SUGCT: variants seen among roughly 807,000 people sequenced by gnomAD.
SUGCT encodes the protein succinyl-CoA:glutarate-CoA transferase.
A neutral mutation model predicts 55.0 loss-of-function variants in SUGCT; 41 were observed. The ratio of observed to expected loss-of-function variants is 0.74; its 90% confidence interval spans 0.58 to 0.97. The LOEUF is 0.97. SUGCT is among the 50% of genes least tolerant of loss of function. The probability of loss-of-function intolerance (pLI) is 0.00; values close to 1 mark genes in which losing one functional copy is unlikely to be tolerated. For synonymous variants in SUGCT, 187 were observed against 200.4 expected (o/e 0.93, Z 0.56); for missense variants, 568 against 547.8 (o/e 1.04, Z -0.37).
At position 40,183,677 on chromosome 7, in the gene SUGCT, T is replaced by C. The variant is rs148546015; in HGVS notation, c.226+1649T>C. On this transcript the variant is annotated intron_variant, in intron 3 of 13. Transcript: ENST00000335693. Reference sequence around the variant, plus strand: ...AAGAAACATTTCCCCATTTTATAATTTTAAAGGTTTTGAAGCGGGAAACGC... The same window carrying C: ...AAGAAACATTTCCCCATTTTATAATCTTAAAGGTTTTGAAGCGGGAAACGC... Among the ~76,000 whole-genome samples, 610 of 152,294 alleles carry C rather than the reference T, an allele frequency of 4.0e-3. 6 individuals are homozygous for C. Among genetic ancestry groups the C allele is most frequent in the African/African-American group, 0.014 (591 of 41,556 alleles).
intron 12 of SUGCT, among the ~76,000 whole-genome samples, chr7:40,620,182 G>T (rs187483571): frequency 1.3e-5 from 2 of 152,116 alleles, no homozygotes; most frequent in Admixed American, 1.3e-4. Context: ...CCCCTTGTTG[G>T]GGGTATTTAC....
chr7:40,217,800 T>C (rs1787759118), intron 6 of SUGCT, among the ~76,000 whole-genome samples: 1 of 152,206 alleles, frequency 6.6e-6, no homozygotes, highest in East Asian at 1.9e-4. Flanking sequence ...CAGAAACATT[T>C]GGCTACTTGC....
At chr7:40,388,554 T>G (rs1158814895) in intron 9 of SUGCT, among the ~76,000 whole-genome samples, 2 of 152,114 alleles carry the variant, frequency 1.3e-5, no homozygotes, top group African/African-American at 2.4e-5. Context: ...TAGCTGGGAT[T>G]ACAGGTGTGT....
At chr7:40,453,289 C>G (rs1053600048) in intron 10 of SUGCT, among the ~76,000 whole-genome samples, 2 of 152,130 alleles carry the variant, frequency 1.3e-5, no homozygotes, top group Non-Finnish European at 1.5e-5. Context: ...CTTTCCTTTT[C>G]CCCCTCCATT....
intron 9 of SUGCT, among the ~76,000 whole-genome samples, chr7:40,338,867 T>C (rs1453803142): frequency 1.3e-5 from 2 of 152,182 alleles, no homozygotes; most frequent in Non-Finnish European, 2.9e-5. Flanking sequence ...TTTTTCCCCA[T>C]CTTTGTGGTT....
chr7:41,025,265 T>C, the SUGCT span, among the ~76,000 whole-genome samples: 3 of 152,228 alleles, frequency 2.0e-5, no homozygotes, highest in South Asian at 2.1e-4. Context: ...TATGGCAATA[T>C]GCCAACATTT....
the SUGCT span, among the ~76,000 whole-genome samples, chr7:40,947,179 A>T: frequency 6.6e-6 from 1 of 152,096 alleles, no homozygotes. Context: ...CAATTAATTT[A>T]TCTTCAAGTT....
chr7:40,945,007 G>A, the SUGCT span, among the ~76,000 whole-genome samples: 1 of 152,090 alleles, frequency 6.6e-6, no homozygotes. Flanking sequence ...TTCCTTAGTG[G>A]TGTACATTTA....
chr7:40,630,124 G>A (rs952668018), intron 12 of SUGCT, among the ~76,000 whole-genome samples: 8 of 152,156 alleles, frequency 5.3e-5, no homozygotes, highest in Admixed American at 6.5e-5. Flanking sequence ...TACGCTTTGC[G>A]CCTCCCATCA....
chr7:40,293,745 G>T (rs1294351041), intron 8 of SUGCT, among the ~76,000 whole-genome samples: 1 of 152,132 alleles, frequency 6.6e-6, no homozygotes, highest in African/African-American at 2.4e-5. Flanking sequence ...AGGCTTCTTG[G>T]ATGGTTCCAC....
At chr7:40,339,870 C>T (rs1796949078) in intron 9 of SUGCT, among the ~76,000 whole-genome samples, 1 of 152,188 alleles carries the variant, frequency 6.6e-6, no homozygotes, top group African/African-American at 2.4e-5. Flanking sequence ...AGCTGTTGCT[C>T]TTTGGCCATC....
At chr7:40,262,322 A>G (rs1011935853) in intron 7 of SUGCT, among the ~76,000 whole-genome samples, 13 of 152,006 alleles carry the variant, frequency 8.6e-5, no homozygotes, top group Non-Finnish European at 1.6e-4. Context: ...CTGTAGGTAC[A>G]TTAGATTGTT....
intron 8 of SUGCT, among the ~76,000 whole-genome samples, chr7:40,291,076 C>T: frequency 6.6e-6 from 1 of 152,032 alleles, no homozygotes; most frequent in Non-Finnish European, 1.5e-5. Flanking sequence ...ACTAGTTCAA[C>T]CATTGTGGAA....
chr7:40,659,927 A>G (rs1287951027), intron 12 of SUGCT, among the ~76,000 whole-genome samples: 1 of 152,150 alleles, frequency 6.6e-6, no homozygotes, highest in African/African-American at 2.4e-5. Flanking sequence ...TCTCCTTATT[A>G]AACTAGAGAG....
chr7:40,366,857 C>T (rs1352008997), intron 9 of SUGCT, among the ~76,000 whole-genome samples: 15 of 152,216 alleles, frequency 9.9e-5, no homozygotes, highest in African/African-American at 2.2e-4. Context: ...GTCAGTGTGG[C>T]GATTCCTCAG....
intron 12 of SUGCT, among the ~76,000 whole-genome samples, chr7:40,729,904 C>T (rs149388354): frequency 1.1e-4 from 16 of 152,166 alleles, no homozygotes; most frequent in East Asian, 9.7e-4. Flanking sequence ...TTCATAAATC[C>T]GGGTTTGTAT....
chr7:40,246,151 A>G (rs1789859177), intron 7 of SUGCT, among the ~76,000 whole-genome samples: 1 of 152,142 alleles, frequency 6.6e-6, no homozygotes, highest in South Asian at 2.1e-4. Context: ...TTCTTTTTCT[A>G]TTCCCAAGCA....
At chr7:40,915,177 A>G in the SUGCT span, among the ~76,000 whole-genome samples, 1 of 152,188 alleles carries the variant, frequency 6.6e-6, no homozygotes, top group Non-Finnish European at 1.5e-5. Flanking sequence ...CCTGAGTGCC[A>G]GATGAGTTTT....
the SUGCT span, among the ~76,000 whole-genome samples, chr7:41,029,604 C>T: frequency 2.6e-5 from 4 of 152,158 alleles, no homozygotes; most frequent in East Asian, 3.9e-4. Flanking sequence ...ACTTTACTTT[C>T]GGCAGTTTTA....
Sources: gnomAD v4.1 joint callset for allele counts (sites outside exome capture counted in the v4.1 genomes callset) on GRCh38, gnomAD v4.1.1 for gene constraint, MANE v1.5 for transcripts, NCBI Gene and HGNC (gene_info 2026-07-23, HGNC 2026-07-21) for gene names.